Variants in ADAMTS6 observed in about 807,000 individuals in gnomAD.
ADAMTS6 encodes the protein ADAM metallopeptidase with thrombospondin type 1 motif 6.
In ADAMTS6, 23 loss-of-function variants were observed where a neutral mutation model predicts 144.3. The observed-to-expected ratio is 0.16, with a 90% CI of 0.11 to 0.23. The LOEUF (loss-of-function observed/expected upper bound fraction) is 0.23, where lower values mean the gene tolerates loss of function less well. Ranked by LOEUF, ADAMTS6 falls within the 10% of genes least tolerant of loss-of-function variation. The pLI is 1.00. For missense variants in ADAMTS6, 999 were observed against 1,379.6 expected, an observed-to-expected ratio of 0.72 and a Z score of 4.37; for synonymous variants, 444 against 457.5, an observed-to-expected ratio of 0.97 and a Z score of 0.38.
At chr5:65,359,498 C>T (rs1261395987) in intron 7 of ADAMTS6, among the ~76,000 whole-genome samples, 1 of 151,956 alleles carries the variant, frequency 6.6e-6, no homozygotes, top group Admixed American at 6.6e-5. Flanking sequence ...TGTGGAGGAC[C>T]CTCCAAATTT....
At chr5:65,401,507 C>T (rs1753914119) in intron 7 of ADAMTS6, among the ~76,000 whole-genome samples, 1 of 152,160 alleles carries the variant, frequency 6.6e-6, no homozygotes, top group African/African-American at 2.4e-5. Flanking sequence ...ACTGTGAGAA[C>T]CTAGTCAAGC....
chr5:65,385,035 G>A (rs1427497432), intron 7 of ADAMTS6, among the ~76,000 whole-genome samples: 1 of 152,078 alleles, frequency 6.6e-6, no homozygotes, highest in Admixed American at 6.6e-5. Context: ...CTTTTATAAG[G>A]GCACTAATCC....
intron 21 of ADAMTS6, among the ~76,000 whole-genome samples, chr5:65,188,947 T>C (rs991894944): frequency 6.6e-6 from 1 of 152,206 alleles, no homozygotes; most frequent in African/African-American, 2.4e-5. Flanking sequence ...GAAGATAGGA[T>C]GTGAATGTCC....
At chr5:65,416,095 C>G (rs780667988) in intron 7 of ADAMTS6, 6 of 195,360 alleles carry the variant, frequency 3.1e-5, no homozygotes, top group African/African-American at 4.7e-5. Flanking sequence ...AGCCACCTGA[C>G]CCCTGACCTC....
chr5:65,188,245 C>T, intron 21 of ADAMTS6, 25 bp from the exon 22 acceptor site: 3 of 1,610,380 alleles, frequency 1.9e-6, no homozygotes, highest in Non-Finnish European at 2.5e-6. Context: ...GGAAGAAACA[C>T]AGAAAAGCAT....
intron 7 of ADAMTS6, among the ~76,000 whole-genome samples, chr5:65,375,311 G>C (rs917504103): frequency 1.3e-5 from 2 of 151,908 alleles, no homozygotes; most frequent in Non-Finnish European, 2.9e-5. Context: ...ACTACCATCA[G>C]AGTGAACAGG....
At chr5:65,328,209 G>A (rs1746355595) in intron 9 of ADAMTS6, among the ~76,000 whole-genome samples, 1 of 151,860 alleles carries the variant, frequency 6.6e-6, no homozygotes. Context: ...TTGAAATAAT[G>A]CAGCCGACTG....
intron 9 of ADAMTS6, among the ~76,000 whole-genome samples, chr5:65,323,551 T>C (rs544358119): frequency 2.6e-5 from 4 of 152,244 alleles, no homozygotes; most frequent in African/African-American, 9.6e-5. Flanking sequence ...AAGTCTTTGC[T>C]ATTGTGAATA....
intron 3 of ADAMTS6, among the ~76,000 whole-genome samples, chr5:65,464,883 T>G (rs1226689568): frequency 6.6e-6 from 1 of 152,190 alleles, no homozygotes; most frequent in Non-Finnish European, 1.5e-5. Flanking sequence ...CATAATCCAT[T>G]GATCCTATCA....
intron 21 of ADAMTS6, 90 bp downstream of exon 21, chr5:65,196,932 C>A: frequency 6.9e-7 from 1 of 1,445,228 alleles, no homozygotes; most frequent in Non-Finnish European, 9.2e-7. Context: ...AATTTATTCT[C>A]ATCATATAAA....
rs1468763648 is a variant in ADAMTS6 at position 65,398,838 on chromosome 5, AAGAAAG to A, written c.1073+52631_1073+52636del. 5.5e-5 allele frequency among the ~76,000 whole-genome samples: 7 copies of A among 128,076 alleles called. No individual in the cohort carries two copies. In the East Asian group the frequency reaches 1.2e-3, roughly 22 times the overall value. 84.0% of individuals were successfully genotyped at this position (128,076 alleles called of 152,430 possible). A position where few individuals can be genotyped will look rare whatever the true frequency, so the allele number is the denominator to read the frequency against. On this transcript the variant is annotated intron_variant, in intron 7 of 24. Transcript: ENST00000381055. Reference sequence around the variant, plus strand: ...AAAGAAAGAAAGAAAGAAAGAAAGAAAGAAAGAAAGAAAAAGAAAGAGAAAGAAAGA... The same window carrying A: ...AAAGAAAGAAAGAAAGAAAGAAAGAAAAAGAAAAAGAAAGAGAAAGAAAGA...
intron 7 of ADAMTS6, among the ~76,000 whole-genome samples, chr5:65,363,959 C>T (rs951834525): frequency 2.6e-5 from 4 of 152,160 alleles, no homozygotes; most frequent in Non-Finnish European, 5.9e-5. Flanking sequence ...TTAATTTGAT[C>T]TAAGCCATAA....
intron 7 of ADAMTS6, among the ~76,000 whole-genome samples, chr5:65,385,185 T>G (rs370974765): frequency 1.6e-4 from 25 of 152,302 alleles, no homozygotes; most frequent in African/African-American, 6.0e-4. Context: ...CATTGTATCT[T>G]GTTTTCTCCT....
At chr5:65,405,129 T>C (rs2150171515) in intron 7 of ADAMTS6, among the ~76,000 whole-genome samples, 1 of 152,366 alleles carries the variant, frequency 6.6e-6, no homozygotes, top group Middle Eastern at 3.4e-3. Context: ...TCTTTTGCTG[T>C]GCAGAAGCTC....
intron 7 of ADAMTS6, among the ~76,000 whole-genome samples, chr5:65,349,300 A>G (rs554930602): frequency 6.6e-6 from 1 of 152,232 alleles, no homozygotes; most frequent in Non-Finnish European, 1.5e-5. Flanking sequence ...CAGTCTGGCA[A>G]ATTATTCAAC....
At chr5:65,401,302 G>A (rs1283949937) in intron 7 of ADAMTS6, among the ~76,000 whole-genome samples, 1 of 151,946 alleles carries the variant, frequency 6.6e-6, no homozygotes, top group African/African-American at 2.4e-5. Flanking sequence ...GGTGGGACAG[G>A]ATGACTAGAG....
At chr5:65,473,449 A>G in intron 2 of ADAMTS6, 128 bp downstream of exon 2, 1 of 704,040 alleles carries the variant, frequency 1.4e-6, no homozygotes, top group Non-Finnish European at 2.4e-6. Flanking sequence ...CCGAATTGAC[A>G]CAGTAGGCCT....
chr5:65,406,271 T>C (rs577225042), intron 7 of ADAMTS6, among the ~76,000 whole-genome samples: 2 of 152,308 alleles, frequency 1.3e-5, no homozygotes, highest in Admixed American at 6.5e-5. Context: ...CAGTATGATA[T>C]TGGCTGTGGG....
chr5:65,182,124 C>T (rs894902080), intron 22 of ADAMTS6, among the ~76,000 whole-genome samples: 34 of 152,174 alleles, frequency 2.2e-4, no homozygotes, highest in African/African-American at 8.2e-4. Flanking sequence ...GAAACCCAAA[C>T]CAAAACCAAA....
Sources: allele counts gnomAD v4.1 joint callset (sites outside exome capture counted in the v4.1 genomes callset), GRCh38; gene constraint gnomAD v4.1.1; transcripts MANE v1.5; gene names NCBI Gene and HGNC (gene_info 2026-07-23, HGNC 2026-07-21).